The following TUSC3 variants were observed in gnomAD, a reference collection of about 807,000 sequenced individuals.
The protein encoded by TUSC3 is tumor suppressor candidate 3.
A neutral mutation model predicts 44.8 loss-of-function variants in TUSC3; 45 were observed. That is an observed-to-expected ratio of 1.00 (90% CI 0.79 to 1.29). The LOEUF (loss-of-function observed/expected upper bound fraction) is 1.29. Among genes scored for constraint, TUSC3 ranks in the 50% most tolerant of loss-of-function variants. TUSC3 has a pLI of 0.00. For missense variants in TUSC3, 519 were observed against 437.9 expected (o/e 1.19, Z -1.65); for synonymous variants, 212 against 152.9 (o/e 1.39, Z -2.85).
intron 2 of TUSC3, among the ~76,000 whole-genome samples, chr8:15,645,675 T>G (rs1806593852): frequency 6.6e-6 from 1 of 152,124 alleles, no homozygotes; most frequent in Admixed American, 6.5e-5. Flanking sequence ...GATTCAACAT[T>G]TGTTATGAAA....
the TUSC3 span, among the ~76,000 whole-genome samples, chr8:15,790,946 AG>A: frequency 6.6e-6 from 1 of 152,148 alleles, no homozygotes; most frequent in Non-Finnish European, 1.5e-5. Flanking sequence ...GTTTTTAAGC[AG>A]GAGAGAGGCA....
intron 2 of TUSC3, among the ~76,000 whole-genome samples, chr8:15,495,033 C>T (rs1164170619): frequency 6.6e-6 from 1 of 152,174 alleles, no homozygotes; most frequent in East Asian, 1.9e-4. Flanking sequence ...CATGAGTTTG[C>T]CTAGGATAAT....
At chr8:15,695,173 G>C (rs1009065866) in intron 6 of TUSC3, among the ~76,000 whole-genome samples, 1 of 152,182 alleles carries the variant, frequency 6.6e-6, no homozygotes, top group Non-Finnish European at 1.5e-5. Flanking sequence ...ATATGGTTTG[G>C]TTGTGTCCCC....
intron 1 of TUSC3, among the ~76,000 whole-genome samples, chr8:15,593,655 A>G (rs1208179389): frequency 6.6e-6 from 1 of 151,960 alleles, no homozygotes; most frequent in African/African-American, 2.4e-5. Flanking sequence ...TTTTTCCCTC[A>G]TAAGTCTGTT....
intron 1 of TUSC3, among the ~76,000 whole-genome samples, chr8:15,476,743 C>G (rs764025345): frequency 1.3e-5 from 2 of 152,330 alleles, no homozygotes; most frequent in South Asian, 2.1e-4. Flanking sequence ...AGCCTGGTTA[C>G]AGAATTTTCT....
At chr8:15,699,009 A>G (rs764419550) in intron 6 of TUSC3, among the ~76,000 whole-genome samples, 1 of 151,888 alleles carries the variant, frequency 6.6e-6, no homozygotes, top group Non-Finnish European at 1.5e-5. Context: ...ACTGCACCCA[A>G]CTAATTTTTA....
chr8:15,843,634 A>C, the TUSC3 span, among the ~76,000 whole-genome samples: 2 of 150,658 alleles, frequency 1.3e-5, no homozygotes, highest in African/African-American at 4.9e-5. Context: ...ACGCACATAC[A>C]CATATATACA....
chr8:15,469,437 A>C (rs1298254634), intron 1 of TUSC3, among the ~76,000 whole-genome samples: 5 of 152,236 alleles, frequency 3.3e-5, no homozygotes, highest in African/African-American at 1.2e-4. Context: ...GAAAAATGCA[A>C]ATTAAGACAA....
chr8:15,844,785 T>A, the TUSC3 span, among the ~76,000 whole-genome samples: 1 of 152,118 alleles, frequency 6.6e-6, no homozygotes, highest in Non-Finnish European at 1.5e-5. Flanking sequence ...TGACTTTTGA[T>A]AGAACTGATA....
At chr8:15,819,844 T>C in the TUSC3 span, among the ~76,000 whole-genome samples, 1 of 152,210 alleles carries the variant, frequency 6.6e-6, no homozygotes, top group African/African-American at 2.4e-5. Flanking sequence ...GGCGTATTTA[T>C]GATAAAAGAC....
At chr8:15,720,190 G>GTATA (rs146671801) in intron 6 of TUSC3, among the ~76,000 whole-genome samples, 1,357 of 135,032 alleles carry the variant, frequency 0.01, 5 homozygotes, top group East Asian at 0.031. Context: ...TAAATATAGT[G>GTATA]TATATATATA....
At chr8:15,850,482 A>T in the TUSC3 span, among the ~76,000 whole-genome samples, 1 of 152,050 alleles carries the variant, frequency 6.6e-6, no homozygotes, top group African/African-American at 2.4e-5. Flanking sequence ...CTTCCTCCTA[A>T]CACATTTATT....
chr8:15,759,865 C>T (rs796753826), intron 10 of TUSC3, among the ~76,000 whole-genome samples: 21 of 152,224 alleles, frequency 1.4e-4, no homozygotes, highest in African/African-American at 5.1e-4. Context: ...CTTTCTCCAC[C>T]CCTTTTCCCC....
chr8:15,787,302 A>G, the TUSC3 span, among the ~76,000 whole-genome samples: 3 of 152,258 alleles, frequency 2.0e-5, no homozygotes, highest in African/African-American at 7.2e-5. Context: ...GAATGAAAAT[A>G]TTAATATGCT....
intron 2 of TUSC3, among the ~76,000 whole-genome samples, chr8:15,532,178 T>G (rs186305439): frequency 1.4e-4 from 21 of 152,290 alleles, no homozygotes; most frequent in African/African-American, 4.8e-4. Context: ...TCCTTTTTAC[T>G]TACTTTTGCT....
At chr8:15,692,991 G>C (rs984154540) in intron 6 of TUSC3, among the ~76,000 whole-genome samples, 2 of 152,254 alleles carry the variant, frequency 1.3e-5, no homozygotes, top group Non-Finnish European at 2.9e-5. Flanking sequence ...GCTTTCTTCT[G>C]TTTTCCATTT....
At chr8:15,511,878 A>AG (rs1801140837) in intron 2 of TUSC3, among the ~76,000 whole-genome samples, 1 of 151,938 alleles carries the variant, frequency 6.6e-6, no homozygotes, top group African/African-American at 2.4e-5. Context: ...CAAAAAAAAA[A>AG]GAAGTACTAA....
At chr8:15,630,304 A>T (rs1472708058) in intron 2 of TUSC3, among the ~76,000 whole-genome samples, 1 of 152,178 alleles carries the variant, frequency 6.6e-6, no homozygotes, top group African/African-American at 2.4e-5. Flanking sequence ...TGAAGAATTG[A>T]TAAATTACAA....
chr8:15,805,179 T>G, the TUSC3 span, among the ~76,000 whole-genome samples: 8 of 152,150 alleles, frequency 5.3e-5, no homozygotes, highest in African/African-American at 1.9e-4. Flanking sequence ...GTACAAAGAT[T>G]TTGTATCTGA....
Sources: gnomAD v4.1 joint callset for allele counts (sites outside exome capture counted in the v4.1 genomes callset) on GRCh38, gnomAD v4.1.1 for gene constraint, MANE v1.5 for transcripts, NCBI Gene and HGNC (gene_info 2026-07-23, HGNC 2026-07-21) for gene names.